The following NRG3 variants were observed in gnomAD, a reference collection of about 807,000 sequenced individuals.
NRG3 encodes pro-neuregulin-3, membrane-bound isoform.
A neutral mutation model predicts 66.9 loss-of-function variants in NRG3; 31 were observed. That is an observed-to-expected ratio of 0.46 (90% CI 0.35 to 0.63). The LOEUF is 0.63. NRG3 is among the 20% of genes least tolerant of loss of function. NRG3 has a pLI of 0.00. For missense variants in NRG3, 910 were observed against 878.9 expected (o/e 1.04, Z -0.45); for synonymous variants, 393 against 359.4 (o/e 1.09, Z -1.06).
chr10:82,281,883 A>G (rs763548997), intron 1 of NRG3, among the ~76,000 whole-genome samples: 41 of 152,202 alleles, frequency 2.7e-4, no homozygotes, highest in Non-Finnish European at 4.1e-4. Flanking sequence ...TTCATTGAAT[A>G]TATTCATAGA....
At chr10:82,004,965 A>T (rs1378804401) in intron 1 of NRG3, among the ~76,000 whole-genome samples, 1 of 152,226 alleles carries the variant, frequency 6.6e-6, no homozygotes, top group Non-Finnish European at 1.5e-5. Flanking sequence ...CGGCAGCCCT[A>T]GCAAATGAGT....
intron 5 of NRG3, among the ~76,000 whole-genome samples, chr10:82,953,880 C>G (rs1415956540): frequency 6.6e-6 from 1 of 151,452 alleles, no homozygotes; most frequent in Non-Finnish European, 1.5e-5. Flanking sequence ...ATGGCTTGAG[C>G]CTGGGAGGTG....
intron 2 of NRG3, among the ~76,000 whole-genome samples, chr10:82,483,728 T>G (rs969665756): frequency 7.2e-5 from 11 of 152,202 alleles, no homozygotes; most frequent in African/African-American, 2.7e-4. Context: ...ACATCACCAG[T>G]TGCTCAAGTT....
chr10:82,464,413 G>C (rs1366447184), intron 2 of NRG3, among the ~76,000 whole-genome samples: 1 of 152,182 alleles, frequency 6.6e-6, no homozygotes, highest in African/African-American at 2.4e-5. Flanking sequence ...GGGGAAGGCT[G>C]ATTGTGCAGC....
At chr10:82,367,538 A>T (rs1892412) in intron 2 of NRG3, among the ~76,000 whole-genome samples, 20,122 of 152,062 alleles carry the variant, frequency 0.13, 2,479 homozygotes, top group African/African-American at 0.32. Flanking sequence ...AAAGATAAAA[A>T]TCTTTTTAAA....
At chr10:82,310,762 C>T (rs2080979401) in intron 1 of NRG3, among the ~76,000 whole-genome samples, 1 of 152,114 alleles carries the variant, frequency 6.6e-6, no homozygotes, top group African/African-American at 2.4e-5. Context: ...ATTCTTTGAG[C>T]AGCAATAAAA....
rs185970005 is a variant in NRG3 at position 82,327,303 on chromosome 10, A to G, written c.824-31436A>G. Among the ~76,000 whole-genome samples the G allele has an allele frequency of 3.4e-4, 52 of 152,280 alleles. 1 individual carries two copies. In the East Asian group the frequency reaches 9.3e-3, roughly 27 times the overall value. On this transcript the variant is annotated intron_variant, in intron 1 of 8. Transcript: ENST00000372141. ...ACCAGGTGGATGCTGTCAGCTTGCC[A>G]CTGTACTACTGGACATGGTACCAGA...
rs184359230 is a variant in NRG3, at chr10:82,423,857, G to T, written c.953+64989G>T. ...CAACCACTAATCTACGTATGTATTTGTCTAGTATGGACATTTCATACAAAT... is the reference window on the plus strand; with the variant it reads ...CAACCACTAATCTACGTATGTATTTTTCTAGTATGGACATTTCATACAAAT... On this transcript the variant is annotated intron_variant, in intron 2 of 8. Coordinates refer to ENST00000372141, the MANE Select transcript of NRG3 (RefSeq NM_001010848.4). 1.2e-3 allele frequency among the ~76,000 whole-genome samples: 179 copies of T among 152,008 alleles called. 4 individuals are homozygous for T. In the East Asian group the frequency reaches 0.031, roughly 27 times the overall value.
chr10:82,958,892 A>G, intron 5 of NRG3, 57 bp from the exon 6 acceptor site: 1 of 1,482,068 alleles, frequency 6.7e-7, no homozygotes, highest in Non-Finnish European at 9.0e-7. Context: ...GAGACCCTGA[A>G]AGTAGGAGTT....
At chr10:82,502,872 C>G (rs888230319) in intron 2 of NRG3, among the ~76,000 whole-genome samples, 6 of 152,118 alleles carry the variant, frequency 3.9e-5, no homozygotes, top group African/African-American at 1.4e-4. Context: ...TCAGACAATT[C>G]TAGGTCTTAG....
chr10:82,593,535 A>C (rs1046728778), intron 2 of NRG3, among the ~76,000 whole-genome samples: 1 of 148,082 alleles, frequency 6.8e-6, no homozygotes, highest in African/African-American at 2.6e-5. Flanking sequence ...ATGACCTCAA[A>C]GCCATTAATT....
At chr10:82,067,102 A>T (rs557246878) in intron 1 of NRG3, among the ~76,000 whole-genome samples, 10 of 152,068 alleles carry the variant, frequency 6.6e-5, no homozygotes, top group South Asian at 2.1e-4. Flanking sequence ...GATTTTTTTT[A>T]AAAAATGGCA....
At chr10:82,851,249 C>T (rs2063545338) in intron 3 of NRG3, among the ~76,000 whole-genome samples, 1 of 152,076 alleles carries the variant, frequency 6.6e-6, no homozygotes, top group Admixed American at 6.6e-5. Context: ...CTGGGATTTG[C>T]ATCAAACTTT....
intron 2 of NRG3, among the ~76,000 whole-genome samples, chr10:82,712,995 C>A (rs2056762748): frequency 6.6e-6 from 1 of 151,776 alleles, no homozygotes; most frequent in African/African-American, 2.4e-5. Flanking sequence ...TGGCAGATGC[C>A]TATAATCCTA....
rs10399969 is a variant in NRG3 at position 82,494,731 on chromosome 10, C to A, written c.953+135863C>A. On this transcript the variant is annotated intron_variant, in intron 2 of 8. Transcript: ENST00000372141. Reference sequence around the variant, plus strand: ...AAAGAATTGAACTAGTTTGCTAAGACCCTTTGTTAATAATCAGTGTGTATG... The same window carrying A: ...AAAGAATTGAACTAGTTTGCTAAGAACCTTTGTTAATAATCAGTGTGTATG... Among the ~76,000 whole-genome samples the A allele has an allele frequency of 1.4e-3, 212 of 152,112 alleles. 1 individual carries two copies. Among genetic ancestry groups the A allele is most frequent in the East Asian group, 5.0e-3 (26 of 5,166 alleles).
chr10:82,025,168 C>G (rs1234457148), intron 1 of NRG3, among the ~76,000 whole-genome samples: 1 of 151,284 alleles, frequency 6.6e-6, no homozygotes, highest in East Asian at 1.9e-4. Context: ...ATTGAAAAAT[C>G]TATTTCTAAC....
At chr10:82,107,804 A>G (rs956110634) in intron 1 of NRG3, among the ~76,000 whole-genome samples, 9 of 152,230 alleles carry the variant, frequency 5.9e-5, no homozygotes, top group Non-Finnish European at 1.2e-4. Context: ...GAGTCAAAAA[A>G]AGAAAAATGT....
chr10:82,080,184 T>C (rs1404265475), intron 1 of NRG3, among the ~76,000 whole-genome samples: 1 of 152,064 alleles, frequency 6.6e-6, no homozygotes, highest in African/African-American at 2.4e-5. Context: ...CACACACACT[T>C]GACTCTTCAT....
intron 2 of NRG3, among the ~76,000 whole-genome samples, chr10:82,555,106 G>A (rs929251085): frequency 3.3e-5 from 5 of 152,260 alleles, no homozygotes; most frequent in African/African-American, 1.2e-4. Context: ...ATTTAGAGGA[G>A]ATATTGTGAG....
Sources: allele counts gnomAD v4.1 joint callset (sites outside exome capture counted in the v4.1 genomes callset), GRCh38; gene constraint gnomAD v4.1.1; transcripts MANE v1.5; gene names NCBI Gene and HGNC (gene_info 2026-07-23, HGNC 2026-07-21).